PLEC: variants seen among roughly 807,000 people sequenced by gnomAD.
The protein encoded by PLEC is plectin.
In PLEC, 216 loss-of-function variants were observed where a neutral mutation model predicts 392.8. The observed-to-expected ratio is 0.55, with a 90% CI of 0.49 to 0.62. PLEC has a LOEUF of 0.62. Ranked by LOEUF, PLEC falls within the 20% of genes least tolerant of loss-of-function variation. The pLI, the probability that PLEC is intolerant of heterozygous loss-of-function variation, is 0.00. For missense variants in PLEC, 6,863 were observed against 6,563.4 expected, an observed-to-expected ratio of 1.05 and a Z score of -1.58; for synonymous variants, 3,621 against 2,980.6, an observed-to-expected ratio of 1.21 and a Z score of -7.00.
chr8:143,947,044 C>G (rs2132642764), intron 1 of PLEC, among the ~76,000 whole-genome samples: 1 of 152,312 alleles, frequency 6.6e-6, no homozygotes, highest in East Asian at 1.9e-4. Flanking sequence ...CCTTAGAAGC[C>G]TGCCGGCGAT....
upstream of PLEC, among the ~76,000 whole-genome samples, chr8:143,954,293 C>G (rs1159832459): frequency 6.6e-6 from 1 of 151,984 alleles, no homozygotes; most frequent in Admixed American, 6.5e-5. This position sits in a 1 kb window ranked among gnomAD's most constrained non-coding sequence, Gnocchi z 4.6. Context: ...AGACCCTGGT[C>G]GGCCACCTCC....
chr8:143,925,668 C>CCTCCTGAATGCTGCG lies in PLEC; in HGVS notation c.4246_4260dup (p.Arg1416_Glu1420dup). 5 of 1,590,272 alleles carry CCTCCTGAATGCTGCG rather than the reference C, an allele frequency of 3.1e-6. No homozygotes were observed. Among genetic ancestry groups the CCTCCTGAATGCTGCG allele is most frequent in the Non-Finnish European group, 4.3e-6 (5 of 1,175,626 alleles). On this transcript the variant is annotated inframe_insertion, in exon 31 of 32. Transcript: ENST00000345136. The stretch of plus-strand genomic sequence containing the variant: ...GAGCTCTGCCGCAGCTGCTGCAGCT[C>CCTCCTGAATGCTGCG]CTCCTGAATGCTGCGCTTCTGCTGC...
chr8:143,974,184 C>A (rs1833575695), upstream of PLEC, among the ~76,000 whole-genome samples: 1 of 152,216 alleles, frequency 6.6e-6, no homozygotes, highest in Non-Finnish European at 1.5e-5. This position sits in a 1 kb window ranked among gnomAD's most constrained non-coding sequence, Gnocchi z 5.9. Context: ...CCTAAGGAAA[C>A]CGTCAGAGGA....
chr8:143,924,743 C>T lies in PLEC; in HGVS notation c.5186G>A (p.Arg1729Gln), dbSNP rs781904392. 21 of 1,534,510 alleles carry T rather than the reference C, an allele frequency of 1.4e-5. No individual in the cohort carries two copies. Among genetic ancestry groups the T allele is most frequent in the East Asian group, 2.4e-5 (1 of 40,826 alleles). Reference protein sequence around the residue: ...RAETEQGEQQRQLLEEELARL... With the variant: ...RAETEQGEQQQQLLEEELARL... ...GGCCAGCTCCTCCTCCAGCAGCTGCCGCTGCTGCTCCCCCTGCTCCGTCTC... is the reference window on the plus strand; with the variant it reads ...GGCCAGCTCCTCCTCCAGCAGCTGCTGCTGCTGCTCCCCCTGCTCCGTCTC... Residue 1729 changes from arginine (R) to glutamine (Q), a missense_variant, in exon 31 of 32, where the codon CGG (arginine) becomes CAG (glutamine). Coordinates refer to ENST00000345136, the MANE Select transcript of PLEC (RefSeq NM_201384.3).
At chr8:143,939,965 G>A (rs1046837434), upstream of PLEC, among the ~76,000 whole-genome samples, 1 of 152,216 alleles carries the variant, frequency 6.6e-6, no homozygotes, top group Non-Finnish European at 1.5e-5. Flanking sequence ...TCTCTTTGGA[G>A]CTCCCTCCAG....
rs199908161 is a variant in PLEC, at chr8:143,937,090, C to T, written c.343-19G>A. The T allele has an allele frequency of 9.9e-6, 16 of 1,610,954 alleles. No homozygotes were observed. The highest frequency in any genetic ancestry group is 2.2e-5 in the East Asian group (1 of 44,844). On this transcript the variant is annotated intron_variant, in intron 4 of 31. Coordinates refer to ENST00000345136, the MANE Select transcript of PLEC (RefSeq NM_201384.3). ...GCTTCACCTGTGAGCGAGGGGCTCTCGGTCACGGCCCACAGGGCGGGGCTG... is the reference window on the plus strand; with the variant it reads ...GCTTCACCTGTGAGCGAGGGGCTCTTGGTCACGGCCCACAGGGCGGGGCTG...
rs1554722884 is a variant in PLEC at position 143,935,931 on chromosome 8, C to G, written c.519G>C (p.Glu173Asp). 1.2e-6 allele frequency: 2 copies of G among 1,613,000 alleles called. No homozygotes were observed. The highest frequency in any genetic ancestry group is 1.7e-6 in the Non-Finnish European group (2 of 1,179,976). The change falls in exon 6 of 32, where the codon GAG becomes GAC. Residue 173 changes from glutamate (E) to aspartate (D), a missense_variant. Glu to Asp is a conservative substitution (Grantham distance 45). Transcript: ENST00000345136. ...KLLLWSQRMV[E>D]GYQGLRCDNF... ...TGTCGCATCGCAGGCCCTGGTACCCCTCCACCATTCGCTGCGACCACAGCA... is the reference window on the plus strand; with the variant it reads ...TGTCGCATCGCAGGCCCTGGTACCCGTCCACCATTCGCTGCGACCACAGCA...
intron 1 of PLEC, among the ~76,000 whole-genome samples, chr8:143,964,775 C>T (rs782075432): frequency 3.3e-4 from 50 of 152,256 alleles, no homozygotes; most frequent in Non-Finnish European, 5.6e-4. Context: ...TTAGGCCTAT[C>T]CTGTGCCTGC....
At chr8:143,942,405 C>T, upstream of PLEC, 2 of 1,607,742 alleles carry the variant, frequency 1.2e-6, no homozygotes, top group Non-Finnish European at 1.7e-6. Context: ...CGCAGCACAG[C>T]TGCTGGTAGA....
chr8:143,942,499 C>T (rs1462538059), upstream of PLEC: 4 of 1,581,314 alleles, frequency 2.5e-6, no homozygotes, highest in East Asian at 6.8e-5. Context: ...GGCAAAGGCG[C>T]CCCCCGCCCC....
intron 1 of PLEC, among the ~76,000 whole-genome samples, chr8:143,972,329 C>T (rs1833470585): frequency 6.6e-6 from 1 of 152,136 alleles, no homozygotes; most frequent in Middle Eastern, 3.2e-3. Flanking sequence ...CTCCCCTGGC[C>T]CGAATGAACT....
At chr8:143,935,786 C>A in intron 6 of PLEC, 62 bp downstream of exon 6, 1 of 1,574,828 alleles carries the variant, frequency 6.3e-7, no homozygotes, top group Non-Finnish European at 8.7e-7. Context: ...TCTGAAGTTG[C>A]CTAGTGGAGG....
chr8:143,926,198 A>T (rs1825126341), intron 30 of PLEC, among the ~76,000 whole-genome samples: 1 of 152,148 alleles, frequency 6.6e-6, no homozygotes, highest in Non-Finnish European at 1.5e-5. Flanking sequence ...TGCGAGCCAC[A>T]CCCAGCACAC....
chr8:143,920,892 G>A lies in PLEC; in HGVS notation c.8929C>T (p.Leu2977=). Residue 2977 remains leucine (L), a synonymous_variant, in exon 32 of 32, where the codon CTG becomes TTG. Transcript: ENST00000345136. ...TCGGCGGCTGGCACCAGGCTGCGCA[G>A]GCCCTCAAAGCAAAGCCGGCCCTTC... ...EQKGRLCFEG[L]RSLVPAAELL... 1.2e-6 allele frequency: 2 copies of A among 1,611,898 alleles called. No homozygotes were observed. Among genetic ancestry groups the A allele is most frequent in the African/African-American group, 1.3e-5 (1 of 75,058 alleles).
upstream of PLEC, chr8:143,942,498 G>C (rs1255105776): frequency 1.9e-6 from 3 of 1,580,814 alleles, no homozygotes; most frequent in Non-Finnish European, 2.6e-6. Flanking sequence ...AGGCAAAGGC[G>C]CCCCCCGCCC....
intron 1 of PLEC, among the ~76,000 whole-genome samples, chr8:143,970,382 G>C (rs555875935): frequency 1.3e-5 from 2 of 152,172 alleles, no homozygotes; most frequent in East Asian, 3.9e-4. Context: ...TCCCGGCTGG[G>C]GCGATCGCTG....
Position 143,925,604 on chromosome 8 carries a change from G to T in PLEC, c.4325C>A (p.Ala1442Glu). ...GATGCGCAGCCGGCTGCGCTCAGCC[G>T]CCTCTGCCTGCCGGGCCTTGGCCTG... ...EIQAKARQAE[A>E]AERSRLRIEE... is the part of the protein sequence containing the mutation. The change falls in exon 31 of 32, where the codon GCG becomes GAG. Residue 1442 changes from alanine (A) to glutamate (E), a missense_variant. By Grantham distance (107) the Ala-to-Glu change is moderately radical. Transcript: ENST00000345136. The T allele has an allele frequency of 6.3e-7, 1 of 1,580,654 alleles. No individual in the cohort carries two copies.
At chr8:143,971,272 A>C (rs549545545) in intron 1 of PLEC, among the ~76,000 whole-genome samples, 2 of 151,952 alleles carry the variant, frequency 1.3e-5, no homozygotes, top group Non-Finnish European at 2.9e-5. Flanking sequence ...AAGCCAGAGC[A>C]CCTCCTCAGT....
chr8:143,926,857 C>T lies in PLEC; in HGVS notation c.3971G>A (p.Ser1324Asn), dbSNP rs782265106. 6.2e-7 allele frequency: 1 copy of T among 1,613,472 alleles called. No homozygotes were observed. The highest frequency in any genetic ancestry group is 8.5e-7 in the Non-Finnish European group (1 of 1,179,918). The change falls in exon 30 of 32, where the codon AGC becomes AAC. Residue 1324 changes from serine to asparagine, a missense_variant. Physicochemically the swap from Ser to Asn is conservative, Grantham distance 46. Coordinates refer to ENST00000345136, the MANE Select transcript of PLEC (RefSeq NM_201384.3). Reference sequence around the variant, plus strand: ...CTGGCTCGTCAGTGTGGTCAGCTCGCTGTAGTGCGTACGCAGGTCCACGTA... The same window carrying T: ...CTGGCTCGTCAGTGTGGTCAGCTCGTTGTAGTGCGTACGCAGGTCCACGTA... ...QEYVDLRTHYSELTTLTSQYI... is the reference protein window; with the variant it reads ...QEYVDLRTHYNELTTLTSQYI...
Sources: allele counts gnomAD v4.1 joint callset (sites outside exome capture counted in the v4.1 genomes callset), GRCh38; gene constraint gnomAD v4.1.1; non-coding constraint Gnocchi (gnomAD v3.1); transcripts MANE v1.5; gene names NCBI Gene and HGNC (gene_info 2026-07-23, HGNC 2026-07-21).